BNIP1: variants seen among roughly 807,000 people sequenced by gnomAD.
BNIP1 encodes BCL2 interacting protein 1, also known as vesicle transport protein SEC20.
A neutral mutation model predicts 28.5 loss-of-function variants in BNIP1; 25 were observed. The ratio of observed to expected loss-of-function variants is 0.88; its 90% CI spans 0.64 to 1.23. The LOEUF is 1.23. Ranked by LOEUF, BNIP1 falls within the 50% of genes most tolerant of loss-of-function variation. The pLI is 0.00. For missense variants in BNIP1, 276 were observed against 277.0 expected (o/e 1.00, Z 0.02); for synonymous variants, 118 against 101.7 (o/e 1.16, Z -0.96).
intron 2 of BNIP1, among the ~76,000 whole-genome samples, 186 bp from the exon 3 acceptor site, chr5:173,154,136 C>A (rs1018591396): frequency 6.6e-6 from 1 of 152,190 alleles, no homozygotes; most frequent in Admixed American, 6.5e-5. Context: ...GTTTTCCTTA[C>A]TTCCTTGTGG....
chr5:173,155,268 A>G (rs1335031806), intron 3 of BNIP1, among the ~76,000 whole-genome samples: 2 of 152,210 alleles, frequency 1.3e-5, no homozygotes, highest in Non-Finnish European at 2.9e-5. Context: ...TTGAATTGGG[A>G]GAGGTTTAAC....
intron 2 of BNIP1, among the ~76,000 whole-genome samples, chr5:173,148,533 G>T (rs755309356): frequency 2.0e-5 from 3 of 152,058 alleles, no homozygotes; most frequent in Admixed American, 1.3e-4. Flanking sequence ...TTGGAAGGAT[G>T]ACTGCATCTG....
intron 2 of BNIP1, among the ~76,000 whole-genome samples, chr5:173,148,096 A>AAG (rs1759911666): frequency 1.0e-4 from 3 of 29,928 alleles, no homozygotes; most frequent in African/African-American, 5.5e-4. Context: ...ATATATATAT[A>AAG]TATATATATA....
chr5:173,146,949 C>A lies in BNIP1; in HGVS notation c.168C>A (p.His56Gln), dbSNP rs1338098684. 3 of 1,612,770 alleles carry A rather than the reference C, an allele frequency of 1.9e-6. No homozygotes were observed. Among genetic ancestry groups the A allele is most frequent in the Admixed American group, 3.3e-5 (2 of 60,008 alleles). ...AAGAGAAATTTCAACAGTTGCGTCA[C>A]AGAATACAGGTGGGTATTCTCAATT... ...KVKEKFQQLR[H>Q]RIQDLEQLAK... Residue 56 changes from histidine to glutamine, a missense_variant, in exon 2 of 6, where the codon CAC (histidine) becomes CAA (glutamine). Physicochemically the swap from His to Gln is conservative, Grantham distance 24. Coordinates refer to ENST00000351486, the MANE Select transcript of BNIP1 (RefSeq NM_001205.3).
In BNIP1 at chr5:173,158,737, A is replaced by G; in HGVS notation, c.270-7A>G. 1 of 1,612,062 alleles carries G rather than the reference A, an allele frequency of 6.2e-7. No homozygotes were observed. Among genetic ancestry groups the G allele is most frequent in the East Asian group, 2.2e-5 (1 of 44,808 alleles). On this transcript the variant is annotated splice_polypyrimidine_tract_variant and splice_region_variant and intron_variant, in intron 3 of 5. Coordinates refer to ENST00000351486, the MANE Select transcript of BNIP1 (RefSeq NM_001205.3). ...GACACACTCACACGTGAACCTTCCA[A>G]TTCCAGCAATCAGGCCTCATGGAGG...
rs5745123 is a variant in BNIP1, at chr5:173,150,038, G to A, written c.177+3080G>A. On this transcript the variant is annotated intron_variant, in intron 2 of 5. Transcript: ENST00000351486. ...TTTGGGAGGCCAAGGCGAGTGGATC[G>A]CCTGAGGCCAGGAGTTCAAGACCAG... 7.0e-4 allele frequency among the ~76,000 whole-genome samples: 106 copies of A among 152,236 alleles called. 1 individual carries two copies. The highest frequency in any genetic ancestry group is 1.3e-3 in the Non-Finnish European group (87 of 68,002).
chr5:173,151,736 C>T, intron 2 of BNIP1: 1 of 1,608,956 alleles, frequency 6.2e-7, no homozygotes, highest in Non-Finnish European at 8.5e-7. Flanking sequence ...GGGTGCCCAC[C>T]CAGTGTTTAT....
intron 5 of BNIP1, 95 bp downstream of exon 5, chr5:173,160,146 C>A: frequency 8.8e-7 from 1 of 1,135,824 alleles, no homozygotes; most frequent in Non-Finnish European, 1.3e-6. Flanking sequence ...CACCACAGCC[C>A]ACACGATGTT....
intron 4 of BNIP1, among the ~76,000 whole-genome samples, chr5:173,159,287 C>T (rs1197199535): frequency 6.6e-6 from 1 of 152,190 alleles, no homozygotes; most frequent in East Asian, 1.9e-4. Context: ...GATCCACCCA[C>T]CCCAGCCTCC....
At chr5:173,156,976 A>G (rs1375964220) in intron 3 of BNIP1, among the ~76,000 whole-genome samples, 1 of 152,104 alleles carries the variant, frequency 6.6e-6, no homozygotes, top group African/African-American at 2.4e-5. Context: ...AAAACAAAAA[A>G]AACAAAAAAA....
intron 5 of BNIP1, among the ~76,000 whole-genome samples, chr5:173,160,307 T>C (rs1294922172): frequency 2.0e-5 from 3 of 151,622 alleles, no homozygotes; most frequent in African/African-American, 7.3e-5. Flanking sequence ...CGATCTCAGC[T>C]CACCGCAACC....
chr5:173,148,495 G>GC (rs1010799649), intron 2 of BNIP1, among the ~76,000 whole-genome samples: 4 of 152,034 alleles, frequency 2.6e-5, no homozygotes, highest in African/African-American at 9.7e-5. Context: ...AATAGGGATG[G>GC]CACAGGCCCA....
intron 2 of BNIP1, among the ~76,000 whole-genome samples, chr5:173,150,318 C>G (rs1168227318): frequency 6.6e-6 from 1 of 151,642 alleles, no homozygotes; most frequent in Non-Finnish European, 1.5e-5. Flanking sequence ...AGCCCACCAG[C>G]AACTCTGTTG....
rs1760447921 is a variant in BNIP1 at position 173,164,233 on chromosome 5, C to T, written c.*312C>T. 4.2e-6 allele frequency: 1 copy of T among 238,440 alleles called. No homozygotes were observed. The highest frequency in any genetic ancestry group is 2.2e-5 in the African/African-American group (1 of 44,776). 14.8% of individuals were successfully genotyped at this position (238,440 alleles called of 1,614,324 possible). On this transcript the variant is annotated 3_prime_UTR_variant, in exon 6 of 6. Coordinates refer to ENST00000351486, the MANE Select transcript of BNIP1 (RefSeq NM_001205.3). The surrounding 1 kb of genome is among the most constrained non-coding windows in gnomAD (Gnocchi z 4.0). ...AGTCCAGCCTCCAGGACCGGATGCC[C>T]CTCCTGTCTCCCGCTCCCATCGTGC...
intron 5 of BNIP1, chr5:173,161,982 T>C (rs1760376424): frequency 6.6e-6 from 1 of 152,212 alleles, no homozygotes; most frequent in African/African-American, 2.4e-5. Flanking sequence ...GAGTGTTTGT[T>C]TTTCTCCTTT....
chr5:173,158,569 C>G (rs1422963478), intron 3 of BNIP1, among the ~76,000 whole-genome samples, 175 bp from the exon 4 acceptor site: 2 of 152,218 alleles, frequency 1.3e-5, no homozygotes, highest in African/African-American at 4.8e-5. Flanking sequence ...AGGACCTGAG[C>G]AAGAACAGTT....
chr5:173,151,635 A>G (rs1231944648), intron 2 of BNIP1: 1 of 1,612,584 alleles, frequency 6.2e-7, no homozygotes. Flanking sequence ...TTATTCCCTG[A>G]CAGACTTTTC....
chr5:173,156,019 C>A (rs1351423291), intron 3 of BNIP1, among the ~76,000 whole-genome samples: 1 of 152,218 alleles, frequency 6.6e-6, no homozygotes, highest in Non-Finnish European at 1.5e-5. Context: ...GCATCATCTT[C>A]CCTGCAAGCA....
intron 1 of BNIP1, chr5:173,144,950 C>T (rs1759789313): frequency 3.8e-6 from 1 of 260,070 alleles, no homozygotes; most frequent in South Asian, 6.7e-5. Context: ...CTGACTACCT[C>T]ACAACCTACC....
Sources: allele counts gnomAD v4.1 joint callset (sites outside exome capture counted in the v4.1 genomes callset), GRCh38; gene constraint gnomAD v4.1.1; non-coding constraint Gnocchi (gnomAD v3.1); transcripts MANE v1.5; gene names NCBI Gene and HGNC (gene_info 2026-07-23, HGNC 2026-07-21).